The following FOXP1 variants were observed in gnomAD, a reference collection of about 807,000 sequenced individuals.
The protein encoded by FOXP1 is forkhead box protein P1.
In FOXP1, 15 loss-of-function variants were observed where a neutral mutation model predicts 98.2. The ratio of observed to expected loss-of-function variants is 0.15; its 90% confidence interval spans 0.10 to 0.24. FOXP1 has a LOEUF of 0.24. FOXP1 is among the 10% of genes least tolerant of loss of function. FOXP1 has a pLI of 1.00. For missense variants in FOXP1, 633 were observed against 848.5 expected, an observed-to-expected ratio of 0.75 and a Z score of 3.15; for synonymous variants, 371 against 314.5, an observed-to-expected ratio of 1.18 and a Z score of -1.90.
intron 3 of FOXP1, among the ~76,000 whole-genome samples, chr3:71,409,578 T>C (rs1379473128): frequency 7.2e-6 from 1 of 139,172 alleles, no homozygotes; most frequent in African/African-American, 2.7e-5. Flanking sequence ...TGAATCTAAG[T>C]TATTTACTTT....
At chr3:71,418,116 GGTGTGTGTGT>G (rs60973104) in intron 3 of FOXP1, among the ~76,000 whole-genome samples, 26 of 147,382 alleles carry the variant, frequency 1.8e-4, no homozygotes, top group African/African-American at 5.0e-4. Context: ...TGTGCTTGTG[GGTGTGTGTGT>G]GTGTGTGTGT....
At chr3:71,039,286 A>G (rs2048016515) in intron 11 of FOXP1, among the ~76,000 whole-genome samples, 1 of 152,166 alleles carries the variant, frequency 6.6e-6, no homozygotes, top group African/African-American at 2.4e-5. Flanking sequence ...TATGATGAAG[A>G]TTAAGCACAA....
At chr3:71,546,254 T>G (rs962304756) in intron 2 of FOXP1, among the ~76,000 whole-genome samples, 1 of 152,184 alleles carries the variant, frequency 6.6e-6, no homozygotes, top group African/African-American at 2.4e-5. Context: ...GAATTCCCAC[T>G]TTGGCCTCAT....
chr3:71,155,249 G>C (rs1489501062), intron 6 of FOXP1, among the ~76,000 whole-genome samples: 1 of 152,184 alleles, frequency 6.6e-6, no homozygotes, highest in Non-Finnish European at 1.5e-5. Context: ...ACCAAGCAGT[G>C]CTCGGGTGCC....
chr3:71,408,262 G>C (rs1316882497), intron 3 of FOXP1, among the ~76,000 whole-genome samples: 1 of 152,146 alleles, frequency 6.6e-6, no homozygotes, highest in Admixed American at 6.5e-5. Flanking sequence ...ACTGAAATCA[G>C]TTTCATTGTT....
At chr3:71,572,897 A>G (rs941082757) in intron 2 of FOXP1, 2 of 152,202 alleles carry the variant, frequency 1.3e-5, no homozygotes, top group African/African-American at 4.8e-5. Flanking sequence ...AGCTTTGTAA[A>G]TATCAGCCTG....
chr3:70,999,760 A>G (rs1207394133), intron 13 of FOXP1, among the ~76,000 whole-genome samples: 1 of 152,228 alleles, frequency 6.6e-6, no homozygotes, highest in African/African-American at 2.4e-5. Flanking sequence ...CTCTGCAACT[A>G]TTTGAAGCTG....
At chr3:71,064,712 C>T (rs1354322107) in intron 7 of FOXP1, 1 of 760,322 alleles carries the variant, frequency 1.3e-6, no homozygotes, top group Admixed American at 6.2e-5. Flanking sequence ...AAAGACTCAA[C>T]TTCAGAACCC....
intron 7 of FOXP1, among the ~76,000 whole-genome samples, chr3:71,103,374 T>G (rs1176664047): frequency 1.3e-5 from 2 of 152,212 alleles, no homozygotes; most frequent in African/African-American, 4.8e-5. Context: ...ATAATAAGTG[T>G]AGGGAAAACA....
chr3:71,524,310 C>T (rs984168576), intron 2 of FOXP1, among the ~76,000 whole-genome samples: 3 of 151,952 alleles, frequency 2.0e-5, no homozygotes, highest in Non-Finnish European at 2.9e-5. Context: ...TTGCAGTGAG[C>T]CAAGATCAAG....
At chr3:71,250,340 A>C (rs1401698998) in intron 5 of FOXP1, among the ~76,000 whole-genome samples, 1 of 152,214 alleles carries the variant, frequency 6.6e-6, no homozygotes, top group African/African-American at 2.4e-5. Flanking sequence ...CTATGCCTAC[A>C]ACATCCAATA....
At chr3:71,152,989 G>A (rs1026913576) in intron 6 of FOXP1, among the ~76,000 whole-genome samples, 1 of 152,100 alleles carries the variant, frequency 6.6e-6, no homozygotes, top group Non-Finnish European at 1.5e-5. Flanking sequence ...CCATGTGTAC[G>A]GCAGGCACTC....
At chr3:71,382,524 C>T (rs772420022) in intron 3 of FOXP1, among the ~76,000 whole-genome samples, 2 of 152,188 alleles carry the variant, frequency 1.3e-5, no homozygotes, top group Non-Finnish European at 2.9e-5. Context: ...ACAAGTCCAA[C>T]TAGAGTTTCA....
intron 5 of FOXP1, among the ~76,000 whole-genome samples, chr3:71,244,397 C>G (rs774686933): frequency 6.6e-6 from 1 of 151,384 alleles, no homozygotes; most frequent in African/African-American, 2.4e-5. Flanking sequence ...GCCCTCCCCC[C>G]GAAGCACAGA....
At chr3:71,000,698 G>A (rs2042007172) in intron 13 of FOXP1, among the ~76,000 whole-genome samples, 1 of 151,944 alleles carries the variant, frequency 6.6e-6, no homozygotes, top group Non-Finnish European at 1.5e-5. Context: ...AGTGGCCGCT[G>A]AGAGTTGGCT....
At chr3:71,406,897 C>T (rs921729105) in intron 3 of FOXP1, among the ~76,000 whole-genome samples, 1 of 152,058 alleles carries the variant, frequency 6.6e-6, no homozygotes, top group African/African-American at 2.4e-5. Context: ...CCTGCCCCTG[C>T]AACTTAGGTA....
At chr3:71,330,110 T>C (rs977891689) in intron 4 of FOXP1, among the ~76,000 whole-genome samples, 1 of 152,198 alleles carries the variant, frequency 6.6e-6, no homozygotes, top group Non-Finnish European at 1.5e-5. Flanking sequence ...TGTATAACTC[T>C]TCCTCCTGCT....
At chr3:71,287,766 C>T (rs148820194) in intron 5 of FOXP1, among the ~76,000 whole-genome samples, 1,526 of 151,706 alleles carry the variant, frequency 0.01, 30 homozygotes, top group African/African-American at 0.034. Flanking sequence ...GGTGACAGAA[C>T]GAGACTTCAT....
intron 5 of FOXP1, among the ~76,000 whole-genome samples, chr3:71,295,330 A>G (rs1282781567): frequency 1.3e-5 from 2 of 152,208 alleles, no homozygotes; most frequent in Admixed American, 6.5e-5. Context: ...TCACTCACAT[A>G]TACACTTTTA....
Sources: gnomAD v4.1 joint callset for allele counts (sites outside exome capture counted in the v4.1 genomes callset) on GRCh38, gnomAD v4.1.1 for gene constraint, MANE v1.5 for transcripts, NCBI Gene and HGNC (gene_info 2026-07-23, HGNC 2026-07-21) for gene names.